The following CDH13 variants were observed in gnomAD, a reference collection of about 807,000 sequenced individuals.
The protein encoded by CDH13 is cadherin 13.
CDH13 carries 24 observed loss-of-function variants against 63.8 expected under a neutral mutation model. The ratio of observed to expected loss-of-function variants is 0.38; its 90% CI spans 0.27 to 0.53. The LOEUF (loss-of-function observed/expected upper bound fraction) is 0.53, where lower values mean the gene tolerates loss of function less well. Among genes scored for constraint, CDH13 ranks in the 20% least tolerant of loss-of-function variants. The pLI is 0.85. For synonymous variants in CDH13, 503 were observed against 355.3 expected, an observed-to-expected ratio of 1.42 and a Z score of -4.67; for missense variants, 1,049 against 903.1, an observed-to-expected ratio of 1.16 and a Z score of -2.07.
intron 8 of CDH13, among the ~76,000 whole-genome samples, chr16:83,605,155 A>G (rs1908208933): frequency 6.6e-6 from 1 of 152,196 alleles, no homozygotes; most frequent in South Asian, 2.1e-4. Flanking sequence ...ATTTTCTTCA[A>G]ATGGAGATTA....
chr16:82,945,271 A>G (rs1251811944), intron 2 of CDH13, among the ~76,000 whole-genome samples: 1 of 152,218 alleles, frequency 6.6e-6, no homozygotes, highest in Non-Finnish European at 1.5e-5. Flanking sequence ...CACAGACAAT[A>G]TGGAAACAAA....
At chr16:82,638,065 C>G (rs976062995) in intron 1 of CDH13, among the ~76,000 whole-genome samples, 17 of 152,236 alleles carry the variant, frequency 1.1e-4, no homozygotes, top group Non-Finnish European at 2.4e-4. Flanking sequence ...GAAGAGGCTG[C>G]TGTGCCTTCC....
chr16:83,297,058 C>G (rs924673848), intron 5 of CDH13, among the ~76,000 whole-genome samples: 1 of 152,096 alleles, frequency 6.6e-6, no homozygotes, highest in African/African-American at 2.4e-5. Flanking sequence ...GGCTGTGGAT[C>G]TATTTTCATT....
intron 7 of CDH13, among the ~76,000 whole-genome samples, chr16:83,553,822 G>T (rs773010603): frequency 3.9e-5 from 6 of 152,236 alleles, no homozygotes; most frequent in Non-Finnish European, 7.3e-5. Flanking sequence ...CTCCCAAAGT[G>T]CTGGGATTAC....
chr16:83,250,317 G>C (rs1905372173), intron 5 of CDH13, among the ~76,000 whole-genome samples: 1 of 152,124 alleles, frequency 6.6e-6, no homozygotes, highest in Non-Finnish European at 1.5e-5. Flanking sequence ...ATTTATGCCA[G>C]CCACCGTTCC....
chr16:83,763,399 C>G (rs2113146), intron 11 of CDH13, among the ~76,000 whole-genome samples: 5 of 148,428 alleles, frequency 3.4e-5, no homozygotes, highest in Non-Finnish European at 7.6e-5. Flanking sequence ...TCAAAATATG[C>G]TTAGATTGAT....
chr16:83,299,455 A>G (rs925786436), intron 5 of CDH13, among the ~76,000 whole-genome samples: 4 of 152,190 alleles, frequency 2.6e-5, no homozygotes, highest in East Asian at 3.9e-4. Flanking sequence ...CTCTCTAGGA[A>G]CCACCATTCT....
At chr16:83,728,958 T>C (rs1708797063) in intron 10 of CDH13, 1 of 153,384 alleles carries the variant, frequency 6.5e-6, no homozygotes, top group African/African-American at 2.4e-5. Context: ...AGCCACCTTC[T>C]TGCTGTGTCC....
Position 82,690,153 on chromosome 16 carries a change from A to G in CDH13, c.45+63016A>G, listed in dbSNP as rs183705065. Among the ~76,000 whole-genome samples the G allele has an allele frequency of 3.0e-3, 427 of 143,996 alleles. 3 individuals are homozygous for G. The highest frequency in any genetic ancestry group is 0.01 in the Middle Eastern group (3 of 290). 94.5% of individuals were successfully genotyped at this position (143,996 alleles called of 152,430 possible). ...ATTGCACTCCAGCCTGGGCAACAAG[A>G]AACTCTGTCTCAAAAAAAAAAAAAA... On this transcript the variant is annotated intron_variant, in intron 1 of 13. Coordinates refer to ENST00000567109, the MANE Select transcript of CDH13 (RefSeq NM_001257.5).
At chr16:83,382,627 T>C (rs886495391) in intron 6 of CDH13, among the ~76,000 whole-genome samples, 18 of 152,150 alleles carry the variant, frequency 1.2e-4, no homozygotes, top group African/African-American at 4.1e-4. Flanking sequence ...CATCAATACA[T>C]TGATGCAATG....
intron 1 of CDH13, among the ~76,000 whole-genome samples, chr16:82,657,890 A>G (rs556492520): frequency 1.3e-5 from 2 of 152,322 alleles, no homozygotes; most frequent in African/African-American, 4.8e-5. Flanking sequence ...TTACTTTCCA[A>G]TCACTATACC....
chr16:83,406,689 C>T (rs1298505400), intron 6 of CDH13, among the ~76,000 whole-genome samples: 2 of 152,134 alleles, frequency 1.3e-5, no homozygotes, highest in African/African-American at 4.8e-5. Context: ...TGGTCTTGAA[C>T]TCCTGACCTC....
At chr16:83,228,435 A>G (rs1165177752) in intron 5 of CDH13, among the ~76,000 whole-genome samples, 1 of 152,222 alleles carries the variant, frequency 6.6e-6, no homozygotes, top group Non-Finnish European at 1.5e-5. Flanking sequence ...CTGGGGCACC[A>G]GAGATGAAGG....
At position 83,087,671 on chromosome 16, in the gene CDH13, C is replaced by CAAAAAAAAAAAAAA. The variant is rs67228844; in HGVS notation, c.367-37701_367-37688dup. 2.5e-4 allele frequency among the ~76,000 whole-genome samples: 11 copies of CAAAAAAAAAAAAAA among 44,000 alleles called. 2 individuals are homozygous for CAAAAAAAAAAAAAA. Among genetic ancestry groups the CAAAAAAAAAAAAAA allele is most frequent in the African/African-American group, 9.6e-4 (11 of 11,450 alleles). The allele number at this position is 44,000 out of a possible 152,430, so 28.9% of individuals were successfully genotyped here. A position where few individuals can be genotyped will look rare whatever the true frequency, so the allele number is the denominator to read the frequency against. Reference sequence around the variant, plus strand: ...CGACGAAGCAAGACTCCCTCCGTCTCAAAAAAAAAAAAAAAAAAAAAAAAA... The same window carrying CAAAAAAAAAAAAAA: ...CGACGAAGCAAGACTCCCTCCGTCTCAAAAAAAAAAAAAAAAAAAAAAAAAAAAAAAAAAAAAAA... On this transcript the variant is annotated intron_variant, in intron 3 of 13. Coordinates refer to ENST00000567109, the MANE Select transcript of CDH13 (RefSeq NM_001257.5).
intron 7 of CDH13, among the ~76,000 whole-genome samples, chr16:83,533,064 C>G (rs1319901439): frequency 6.6e-6 from 1 of 152,168 alleles, no homozygotes; most frequent in Non-Finnish European, 1.5e-5. Context: ...AATTATTGTT[C>G]TGTTCTGCCT....
chr16:82,963,229 A>T (rs1180152604), intron 2 of CDH13, among the ~76,000 whole-genome samples: 1 of 151,632 alleles, frequency 6.6e-6, no homozygotes, highest in African/African-American at 2.4e-5. Context: ...AAAAAAAAAA[A>T]ATTGCCAGGT....
In CDH13 at chr16:82,799,460, C is replaced by T. The variant is rs1230876681; in HGVS notation, c.46-58902C>T. ...TACTCAGCAGTCTGCTTTGAAAGCTCATCAGCTTCTAGAAGCAGCTCATCG... is the reference window on the plus strand; with the variant it reads ...TACTCAGCAGTCTGCTTTGAAAGCTTATCAGCTTCTAGAAGCAGCTCATCG... On this transcript the variant is annotated intron_variant, in intron 1 of 13. Transcript: ENST00000567109. 3.9e-5 allele frequency among the ~76,000 whole-genome samples: 6 copies of T among 152,180 alleles called. No homozygotes were observed. In the East Asian group the frequency reaches 9.6e-4, roughly 24 times the overall value.
chr16:83,728,501 A>T lies in CDH13; in HGVS notation c.1539-19607A>T, dbSNP rs7206133. 2.6e-5 allele frequency among the ~76,000 whole-genome samples: 4 copies of T among 152,060 alleles called. No homozygotes were observed. The East Asian group carries it at 7.7e-4, about 29-fold the overall frequency. ...TTAGGCTTGATAAGAACTACATTAA[A>T]GCTTCTGTTGGAAGAGGAATTCAAA... On this transcript the variant is annotated intron_variant, in intron 10 of 13. Transcript: ENST00000567109.
intron 10 of CDH13, among the ~76,000 whole-genome samples, chr16:83,726,532 G>T (rs1910405964): frequency 1.3e-5 from 2 of 152,182 alleles, no homozygotes; most frequent in African/African-American, 4.8e-5. Context: ...AAAAATGGAA[G>T]AAAAATCAAA....
Sources: gnomAD v4.1 joint callset for allele counts (sites outside exome capture counted in the v4.1 genomes callset) on GRCh38, gnomAD v4.1.1 for gene constraint, MANE v1.5 for transcripts, NCBI Gene and HGNC (gene_info 2026-07-23, HGNC 2026-07-21) for gene names.